The following DLG2 variants were observed in gnomAD, a reference collection of about 807,000 sequenced individuals.
DLG2 encodes discs large MAGUK scaffold protein 2.
A neutral mutation model predicts 132.5 loss-of-function variants in DLG2; 45 were observed. The observed-to-expected ratio is 0.34, with a 90% CI of 0.27 to 0.44. The LOEUF is 0.44. Ranked by LOEUF, DLG2 falls within the 20% of genes least tolerant of loss-of-function variation. The pLI is 1.00. For synonymous variants in DLG2, 424 were observed against 419.6 expected (o/e 1.01, Z -0.13); for missense variants, 1,045 against 1,196.9 (o/e 0.87, Z 1.87).
At chr11:84,889,553 A>G (rs1943733) in intron 6 of DLG2, among the ~76,000 whole-genome samples, 110,530 of 152,042 alleles carry the variant, frequency 0.73, 42,003 homozygotes, top group Middle Eastern at 0.87. Flanking sequence ...ACAAAAGTGA[A>G]ATGTTCAGCA....
At chr11:85,444,279 CA>C (rs1205146077) in intron 3 of DLG2, among the ~76,000 whole-genome samples, 3 of 152,004 alleles carry the variant, frequency 2.0e-5, no homozygotes, top group Non-Finnish European at 4.4e-5. Context: ...ATGGAATGAA[CA>C]GGGGTAGGAA....
chr11:85,136,859 G>A (rs995177099), intron 5 of DLG2, among the ~76,000 whole-genome samples: 1 of 151,986 alleles, frequency 6.6e-6, no homozygotes, highest in Non-Finnish European at 1.5e-5. Flanking sequence ...CACTTAAGAG[G>A]CACAAAATCA....
intron 6 of DLG2, among the ~76,000 whole-genome samples, chr11:84,747,754 A>G (rs948263570): frequency 2.0e-5 from 3 of 152,022 alleles, no homozygotes; most frequent in African/African-American, 7.2e-5. Flanking sequence ...CATACTTCTT[A>G]TATGTGCTAA....
At chr11:84,982,480 T>C (rs1332708921) in intron 6 of DLG2, among the ~76,000 whole-genome samples, 1 of 152,172 alleles carries the variant, frequency 6.6e-6, no homozygotes, top group Non-Finnish European at 1.5e-5. Context: ...ACAGTTTATA[T>C]ATATTTTCTT....
intron 14 of DLG2, among the ~76,000 whole-genome samples, chr11:83,956,470 C>T (rs370989160): frequency 6.6e-6 from 1 of 152,230 alleles, no homozygotes; most frequent in Non-Finnish European, 1.5e-5. Context: ...AGGAGACATG[C>T]CTTGTCTGGC....
chr11:84,000,516 T>C (rs2094291751), intron 11 of DLG2, among the ~76,000 whole-genome samples: 1 of 152,060 alleles, frequency 6.6e-6, no homozygotes, highest in Non-Finnish European at 1.5e-5. Flanking sequence ...TACAGGAGGC[T>C]CTGAGATATC....
rs370757920 is a variant in DLG2 at position 85,622,422 on chromosome 11, T to C, written c.-93+4165A>G. Among the ~76,000 whole-genome samples, 152 of 152,114 alleles carry C rather than the reference T, an allele frequency of 1.0e-3. 3 individuals are homozygous for C. In the South Asian group the frequency reaches 0.029, roughly 29 times the overall value. Reference sequence around the variant, plus strand: ...ATACCTGTACATATTCCCCCTCTTATTGATTCTGAAAAAAAAATGATTTTA... The same window carrying C: ...ATACCTGTACATATTCCCCCTCTTACTGATTCTGAAAAAAAAATGATTTTA... On this transcript the variant is annotated intron_variant, in intron 2 of 27. Coordinates refer to ENST00000376104, the MANE Select transcript of DLG2 (RefSeq NM_001142699.3).
intron 8 of DLG2, among the ~76,000 whole-genome samples, chr11:84,209,105 A>T (rs2154307396): frequency 6.6e-6 from 1 of 152,350 alleles, no homozygotes; most frequent in East Asian, 1.9e-4. Context: ...TAACCACGTG[A>T]TAAAGGTTAA....
chr11:84,961,778 C>A (rs566664435), intron 6 of DLG2, among the ~76,000 whole-genome samples: 2 of 152,130 alleles, frequency 1.3e-5, no homozygotes, highest in South Asian at 4.1e-4. Flanking sequence ...TCAAGCACTA[C>A]GCAAATGAAT....
chr11:84,544,756 G>A (rs1478044980), intron 6 of DLG2, among the ~76,000 whole-genome samples: 3 of 152,140 alleles, frequency 2.0e-5, no homozygotes, highest in Admixed American at 2.0e-4. Context: ...GGCATACAGT[G>A]GCTGCTTGGC....
chr11:84,734,620 A>G (rs556944924), intron 6 of DLG2, among the ~76,000 whole-genome samples: 1 of 152,176 alleles, frequency 6.6e-6, no homozygotes, highest in African/African-American at 2.4e-5. Context: ...CCAATTGAAT[A>G]CCCTTTATTC....
intron 7 of DLG2, among the ~76,000 whole-genome samples, chr11:84,507,087 C>T (rs924447070): frequency 7.9e-5 from 12 of 152,316 alleles, no homozygotes; most frequent in African/African-American, 2.2e-4. Context: ...ACCTCTATTT[C>T]TCACTGCAGA....
intron 3 of DLG2, among the ~76,000 whole-genome samples, chr11:85,410,563 G>T (rs1450808070): frequency 2.0e-5 from 3 of 151,860 alleles, no homozygotes; most frequent in Non-Finnish European, 4.4e-5. Flanking sequence ...AGTGATGTTA[G>T]TGGTATGCCC....
At chr11:84,370,390 A>G (rs1027412737) in intron 7 of DLG2, among the ~76,000 whole-genome samples, 1 of 152,168 alleles carries the variant, frequency 6.6e-6, no homozygotes, top group Non-Finnish European at 1.5e-5. Flanking sequence ...GTTTTCCCCA[A>G]TTTGAAATAA....
intron 6 of DLG2, among the ~76,000 whole-genome samples, chr11:84,810,394 C>T (rs2076427101): frequency 6.6e-6 from 1 of 152,024 alleles, no homozygotes; most frequent in Non-Finnish European, 1.5e-5. Context: ...CACATAACAG[C>T]CACAGTAATT....
chr11:84,331,458 A>ATAAAT lies in DLG2; in HGVS notation c.520-80168_520-80167insATTTA, dbSNP rs1555509072. Among the ~76,000 whole-genome samples the ATAAAT allele has an allele frequency of 1.4e-3, 201 of 139,184 alleles. 1 individual carries two copies. Among genetic ancestry groups the ATAAAT allele is most frequent in the African/African-American group, 4.7e-3 (178 of 38,064 alleles). 91.3% of individuals were successfully genotyped at this position (139,184 alleles called of 152,430 possible). On this transcript the variant is annotated intron_variant, in intron 7 of 27. Coordinates refer to ENST00000376104, the MANE Select transcript of DLG2 (RefSeq NM_001142699.3). ...ACTTATCTCAAAAAAAAAAAAAAAA[A>ATAAAT]AAATAAATAAATAAATAAAAGTAAT...
At chr11:85,008,384 A>C (rs2058878746) in intron 6 of DLG2, among the ~76,000 whole-genome samples, 1 of 152,114 alleles carries the variant, frequency 6.6e-6, no homozygotes, top group Non-Finnish European at 1.5e-5. Context: ...TATTTCTCTG[A>C]ATCGTAGTTT....
intron 10 of DLG2, among the ~76,000 whole-genome samples, chr11:84,088,330 T>C (rs1180164138): frequency 6.6e-6 from 1 of 151,854 alleles, no homozygotes; most frequent in Non-Finnish European, 1.5e-5. Flanking sequence ...CCAATTACAT[T>C]CTTATGCAGG....
At chr11:85,261,990 C>T (rs1191125649) in intron 4 of DLG2, among the ~76,000 whole-genome samples, 1 of 152,082 alleles carries the variant, frequency 6.6e-6, no homozygotes, top group African/African-American at 2.4e-5. Context: ...GAAAAAAGTT[C>T]ATCTAAAATG....
Sources: allele counts gnomAD v4.1 joint callset (sites outside exome capture counted in the v4.1 genomes callset), GRCh38; gene constraint gnomAD v4.1.1; transcripts MANE v1.5; gene names NCBI Gene and HGNC (gene_info 2026-07-23, HGNC 2026-07-21).